DOCK2: variants seen among roughly 807,000 people sequenced by gnomAD.
DOCK2 encodes dedicator of cytokinesis protein 2.
In DOCK2, 87 loss-of-function variants were observed where a neutral mutation model predicts 248.9. That is an observed-to-expected ratio of 0.35 (90% CI 0.29 to 0.42). The LOEUF is 0.42. Among genes scored for constraint, DOCK2 ranks in the 10% least tolerant of loss-of-function variants. The pLI is 1.00. For synonymous variants in DOCK2, 805 were observed against 821.6 expected (o/e 0.98, Z 0.35); for missense variants, 1,747 against 2,300.2 (o/e 0.76, Z 4.92).
intron 26 of DOCK2, among the ~76,000 whole-genome samples, chr5:169,810,989 TCA>T (rs55987604): frequency 0.076 from 7,366 of 97,008 alleles, 492 homozygotes; most frequent in African/African-American, 0.21. Flanking sequence ...TCTCTCTCTC[TCA>T]CACACACACA....
At chr5:169,708,138 C>CT in intron 14 of DOCK2, 31 bp from the exon 15 acceptor site, 1 of 1,607,654 alleles carries the variant, frequency 6.2e-7, no homozygotes, top group Admixed American at 1.7e-5. Context: ...ATTCTGTAGT[C>CT]TTTTCCCTCA....
chr5:169,765,170 G>A (rs1049083627), intron 25 of DOCK2, among the ~76,000 whole-genome samples: 2 of 151,906 alleles, frequency 1.3e-5, no homozygotes, highest in African/African-American at 4.8e-5. Context: ...TTTGACCTGT[G>A]ATATTGAGTA....
chr5:169,899,225 C>T (rs1773784277), intron 27 of DOCK2, among the ~76,000 whole-genome samples: 1 of 152,270 alleles, frequency 6.6e-6, no homozygotes, highest in South Asian at 2.1e-4. Flanking sequence ...CTGAATTGAA[C>T]CACAGCCTCC....
At chr5:169,990,649 G>C (rs1480440524) in intron 29 of DOCK2, among the ~76,000 whole-genome samples, 1 of 152,206 alleles carries the variant, frequency 6.6e-6, no homozygotes, top group Non-Finnish European at 1.5e-5. Context: ...TGGGAGAATA[G>C]GTATCCCAGC....
At chr5:169,955,506 A>G (rs1776828680) in intron 27 of DOCK2, among the ~76,000 whole-genome samples, 1 of 152,156 alleles carries the variant, frequency 6.6e-6, no homozygotes. Context: ...TTACATCTTT[A>G]TACCTTTGAA....
chr5:169,741,803 A>ATTTTT (rs33955559), intron 22 of DOCK2, among the ~76,000 whole-genome samples: 9 of 82,422 alleles, frequency 1.1e-4, no homozygotes, highest in African/African-American at 2.0e-4. Flanking sequence ...ATCTTTTACT[A>ATTTTT]TTTTTTTTTT....
intron 27 of DOCK2, among the ~76,000 whole-genome samples, chr5:169,863,171 G>A (rs1305653899): frequency 1.3e-5 from 2 of 152,188 alleles, no homozygotes; most frequent in African/African-American, 2.4e-5. Flanking sequence ...CAGACTTTGG[G>A]ATGGAAAGAT....
At chr5:169,665,437 CAT>C (rs72225378) in intron 2 of DOCK2, among the ~76,000 whole-genome samples, 5,287 of 71,988 alleles carry the variant, frequency 0.073, 336 homozygotes, top group African/African-American at 0.21. Context: ...TGTATATACA[CAT>C]GTTTATATGT....
At chr5:169,963,297 A>C (rs2113749765) in intron 27 of DOCK2, among the ~76,000 whole-genome samples, 1 of 152,280 alleles carries the variant, frequency 6.6e-6, no homozygotes, top group Admixed American at 6.5e-5. Context: ...AAATCAAATT[A>C]AATCCAACCC....
intron 25 of DOCK2, among the ~76,000 whole-genome samples, chr5:169,762,110 C>T (rs533964619): frequency 7.2e-5 from 11 of 152,104 alleles, no homozygotes; most frequent in South Asian, 6.2e-4. Flanking sequence ...GAAAAGGTAA[C>T]GCATTTACAT....
chr5:170,022,885 C>A (rs1755777722), intron 33 of DOCK2, among the ~76,000 whole-genome samples: 2 of 152,146 alleles, frequency 1.3e-5, no homozygotes, highest in Admixed American at 1.3e-4. Flanking sequence ...ATTTAGACCC[C>A]CATCCCATGT....
chr5:169,820,004 C>T (rs932399140), intron 26 of DOCK2, among the ~76,000 whole-genome samples: 5 of 152,200 alleles, frequency 3.3e-5, no homozygotes, highest in Non-Finnish European at 7.3e-5. Context: ...GTCCCATGCC[C>T]ATGGAGCCTC....
chr5:169,860,113 G>A (rs1771112663), intron 27 of DOCK2, among the ~76,000 whole-genome samples: 2 of 151,518 alleles, frequency 1.3e-5, no homozygotes, highest in African/African-American at 4.9e-5. Context: ...CCAGAGGTGT[G>A]AGCCACACTC....
intron 27 of DOCK2, among the ~76,000 whole-genome samples, chr5:169,914,361 T>C (rs1774764680): frequency 6.6e-6 from 1 of 152,156 alleles, no homozygotes; most frequent in African/African-American, 2.4e-5. Flanking sequence ...GATTCCTTCA[T>C]TCAGAAAAGA....
At chr5:169,987,741 C>A (rs779561227) in intron 29 of DOCK2, among the ~76,000 whole-genome samples, 2 of 152,174 alleles carry the variant, frequency 1.3e-5, no homozygotes, top group Non-Finnish European at 2.9e-5. Flanking sequence ...ATGTAATTTC[C>A]TAACGGACCT....
At chr5:169,653,242 G>GA (rs1164618890) in intron 1 of DOCK2, among the ~76,000 whole-genome samples, 1 of 152,148 alleles carries the variant, frequency 6.6e-6, no homozygotes, top group Non-Finnish European at 1.5e-5. Flanking sequence ...GCCACTTCCA[G>GA]AAAAGTGGGG....
chr5:169,915,193 C>T (rs1029500414), intron 27 of DOCK2, among the ~76,000 whole-genome samples: 1 of 152,040 alleles, frequency 6.6e-6, no homozygotes, highest in Non-Finnish European at 1.5e-5. Context: ...GGAAGCCAAA[C>T]AAATCAGAAA....
intron 33 of DOCK2, among the ~76,000 whole-genome samples, chr5:170,022,669 G>C (rs556660087): frequency 7.2e-5 from 11 of 152,084 alleles, no homozygotes; most frequent in African/African-American, 2.2e-4. Flanking sequence ...AGAATGAAAC[G>C]TATCCTATCC....
chr5:170,049,401 C>T (rs561828221), intron 40 of DOCK2, among the ~76,000 whole-genome samples: 3 of 152,218 alleles, frequency 2.0e-5, no homozygotes, highest in Non-Finnish European at 4.4e-5. Context: ...GCGTGAGCCA[C>T]CAGGCCCAGC....
Sources: allele counts gnomAD v4.1 joint callset (sites outside exome capture counted in the v4.1 genomes callset), GRCh38; gene constraint gnomAD v4.1.1; transcripts MANE v1.5; gene names NCBI Gene and HGNC (gene_info 2026-07-23, HGNC 2026-07-21).